The following CUL5 variants were observed in gnomAD, a reference collection of about 807,000 sequenced individuals.
CUL5 encodes cullin 5.
Under a neutral mutation model 108.8 loss-of-function variants are expected in CUL5, and 26 were observed. The ratio of observed to expected loss-of-function variants is 0.24; its 90% CI spans 0.18 to 0.33. CUL5 has a LOEUF of 0.33. CUL5 is among the 10% of genes least tolerant of loss of function. The pLI is 1.00. For synonymous variants in CUL5, 334 were observed against 298.0 expected (o/e 1.12, Z -1.25); for missense variants, 524 against 909.2 (o/e 0.58, Z 5.45).
At chr11:108,040,070 T>C (rs1250124173) in intron 2 of CUL5, among the ~76,000 whole-genome samples, 1 of 152,364 alleles carries the variant, frequency 6.6e-6, no homozygotes, top group East Asian at 1.9e-4. Flanking sequence ...GTCGCTTCTG[T>C]CTGCCTCCTT....
At chr11:108,099,680 C>T (rs555436895) in intron 18 of CUL5, among the ~76,000 whole-genome samples, 2 of 152,208 alleles carry the variant, frequency 1.3e-5, no homozygotes, top group Admixed American at 1.3e-4. Flanking sequence ...GAACATTACC[C>T]AATTAAGATA....
At chr11:108,065,138 G>T (rs748034826) in intron 7 of CUL5, among the ~76,000 whole-genome samples, 1 of 151,884 alleles carries the variant, frequency 6.6e-6, no homozygotes, top group Admixed American at 6.6e-5. Context: ...CCATTTTCCT[G>T]CCTCAGCCTC....
At chr11:108,083,078 T>G (rs1271100027) in intron 11 of CUL5, among the ~76,000 whole-genome samples, 2 of 152,194 alleles carry the variant, frequency 1.3e-5, no homozygotes, top group East Asian at 3.8e-4. Context: ...TCCTTTCCAG[T>G]TTGGTTCTAT....
At chr11:108,042,289 G>A (rs574619635) in intron 2 of CUL5, among the ~76,000 whole-genome samples, 44 of 142,422 alleles carry the variant, frequency 3.1e-4, no homozygotes, top group African/African-American at 1.0e-3. Context: ...GTGCAGTCTC[G>A]GCTCACTGCA....
At chr11:108,080,420 G>A (rs753842184) in intron 11 of CUL5, among the ~76,000 whole-genome samples, 2 of 151,424 alleles carry the variant, frequency 1.3e-5, no homozygotes, top group East Asian at 1.9e-4. Flanking sequence ...TGTTTGAGAC[G>A]GGGCCTTGCT....
At chr11:108,018,981 A>G (rs1862267541) in intron 1 of CUL5, among the ~76,000 whole-genome samples, 1 of 152,066 alleles carries the variant, frequency 6.6e-6, no homozygotes, top group South Asian at 2.1e-4. Flanking sequence ...CCTCAGAAAA[A>G]AATTGCGTCT....
At chr11:108,052,602 T>G (rs2135134758) in intron 4 of CUL5, 58 bp from the exon 5 acceptor site, 4 of 1,479,554 alleles carry the variant, frequency 2.7e-6, no homozygotes, top group South Asian at 1.2e-5. Context: ...TGTTTGTACA[T>G]GATACTTTGT....
At chr11:108,039,896 TG>T (rs1189910432) in intron 2 of CUL5, among the ~76,000 whole-genome samples, 1 of 152,250 alleles carries the variant, frequency 6.6e-6, no homozygotes, top group Non-Finnish European at 1.5e-5. Context: ...CATTAGTGGT[TG>T]CCTTCGTGTT....
rs536177604 is a variant in CUL5, at chr11:108,030,349, A to G, written c.25-3453A>G. Among the ~76,000 whole-genome samples the G allele has an allele frequency of 1.7e-3, 261 of 152,336 alleles. 1 individual carries two copies. Among genetic ancestry groups the G allele is most frequent in the South Asian group, 4.3e-3 (21 of 4,832 alleles). The stretch of plus-strand genomic sequence containing the variant: ...TCTCCCATGGGTCCTTATGATAAGA[A>G]TACAGTGGCTGGGTGCGGTGGCTCA... On this transcript the variant is annotated intron_variant, in intron 1 of 18. Coordinates refer to ENST00000393094, the MANE Select transcript of CUL5 (RefSeq NM_003478.6).
intron 7 of CUL5, among the ~76,000 whole-genome samples, chr11:108,057,703 G>T (rs908554844): frequency 7.9e-5 from 12 of 152,276 alleles, no homozygotes; most frequent in African/African-American, 1.4e-4. Flanking sequence ...TGCAACATGG[G>T]CTTGTGGATA....
At chr11:108,043,777 C>G (rs1394615980) in intron 2 of CUL5, among the ~76,000 whole-genome samples, 1 of 152,168 alleles carries the variant, frequency 6.6e-6, no homozygotes, top group Non-Finnish European at 1.5e-5. Flanking sequence ...TGCCTGTAAT[C>G]CAGCACTTTG....
At chr11:108,022,908 C>T (rs776701436) in intron 1 of CUL5, among the ~76,000 whole-genome samples, 3 of 152,076 alleles carry the variant, frequency 2.0e-5, no homozygotes, top group Non-Finnish European at 4.4e-5. Context: ...CTTTTTAGTT[C>T]TTTACATATT....
At chr11:108,043,664 A>G (rs11212493) in intron 2 of CUL5, among the ~76,000 whole-genome samples, 11,761 of 152,206 alleles carry the variant, frequency 0.077, 566 homozygotes, top group East Asian at 0.16. Flanking sequence ...TTTTCCTTCA[A>G]TTTCCCCATC....
At chr11:108,098,936 C>T (rs1864569834) in intron 18 of CUL5, among the ~76,000 whole-genome samples, 1 of 150,418 alleles carries the variant, frequency 6.6e-6, no homozygotes, top group African/African-American at 2.4e-5. Flanking sequence ...AGAAATAGTC[C>T]TTTTAAAACC....
At chr11:108,059,727 CA>C (rs1863487855) in intron 7 of CUL5, among the ~76,000 whole-genome samples, 2 of 151,584 alleles carry the variant, frequency 1.3e-5, no homozygotes, top group East Asian at 1.9e-4. Context: ...AAAAAAAATA[CA>C]AAAAAATTAG....
chr11:108,097,309 C>A (rs552781261), intron 16 of CUL5, among the ~76,000 whole-genome samples: 1 of 152,246 alleles, frequency 6.6e-6, no homozygotes, highest in African/African-American at 2.4e-5. Flanking sequence ...AGCCACTGCA[C>A]TTGGCCTGAA....
At chr11:108,064,864 A>G (rs1313471677) in intron 7 of CUL5, among the ~76,000 whole-genome samples, 1 of 152,118 alleles carries the variant, frequency 6.6e-6, no homozygotes, top group Non-Finnish European at 1.5e-5. Context: ...GCCTCATAGA[A>G]TGAGTTTGGA....
intron 1 of CUL5, among the ~76,000 whole-genome samples, chr11:108,012,585 C>T (rs980375417): frequency 6.9e-5 from 10 of 145,866 alleles, no homozygotes; most frequent in East Asian, 2.0e-4. Context: ...GTTCATATGT[C>T]GCGTCATATA....
At chr11:108,093,840 C>T (rs989991874) in intron 13 of CUL5, among the ~76,000 whole-genome samples, 1 of 152,134 alleles carries the variant, frequency 6.6e-6, no homozygotes, top group Admixed American at 6.6e-5. Context: ...GGGACTATCT[C>T]GGCAGTATGC....
Sources: allele counts gnomAD v4.1 joint callset (sites outside exome capture counted in the v4.1 genomes callset), GRCh38; gene constraint gnomAD v4.1.1; transcripts MANE v1.5; gene names NCBI Gene and HGNC (gene_info 2026-07-23, HGNC 2026-07-21).